Variants in PREPL observed in about 807,000 individuals in gnomAD.
PREPL encodes the protein prolyl endopeptidase like.
A neutral mutation model predicts 70.6 loss-of-function variants in PREPL; 77 were observed. The ratio of observed to expected loss-of-function variants is 1.09; its 90% CI spans 0.91 to 1.32. The LOEUF is 1.32. Ranked by LOEUF, PREPL falls within the 40% of genes most tolerant of loss-of-function variation. The probability of loss-of-function intolerance (pLI) is 0.00; values close to 1 mark genes in which losing one functional copy is unlikely to be tolerated. For synonymous variants in PREPL, 315 were observed against 264.8 expected, an observed-to-expected ratio of 1.19 and a Z score of -1.84; for missense variants, 1,002 against 778.2, an observed-to-expected ratio of 1.29 and a Z score of -3.42.
In PREPL at chr2:44,317,789, T is replaced by C. The variant is rs1024517462; in HGVS notation, c.*3567A>G. The C allele has an allele frequency of 6.4e-6, 1 of 156,218 alleles. No homozygotes were observed. Among genetic ancestry groups the C allele is most frequent in the Non-Finnish European group, 1.4e-5 (1 of 70,694 alleles). The allele number at this position is 156,218 out of a possible 1,614,324, so 9.7% of individuals were successfully genotyped here. A position where few individuals can be genotyped will look rare whatever the true frequency, so the allele number is the denominator to read the frequency against. On this transcript the variant is annotated 3_prime_UTR_variant, in exon 14 of 14. Coordinates refer to ENST00000409411, the MANE Select transcript of PREPL (RefSeq NM_001171613.2). ...AATAGAAAAAAACCCTAAACAATAGTATAACTACAAATAAAATAGGGCTTC... is the reference window on the plus strand; with the variant it reads ...AATAGAAAAAAACCCTAAACAATAGCATAACTACAAATAAAATAGGGCTTC...
chr2:44,322,472 A>G (rs1163578544), intron 12 of PREPL, among the ~76,000 whole-genome samples: 6 of 152,196 alleles, frequency 3.9e-5, no homozygotes, highest in Admixed American at 2.0e-4. Context: ...TCCAAGTTAT[A>G]TCTGATTCTT....
rs192676923 is a variant in PREPL at position 44,323,115 on chromosome 2, C to T, written c.1629+147G>A. 1,625 of 843,374 alleles carry T rather than the reference C, an allele frequency of 1.9e-3. 2 individuals are homozygous for T. Among genetic ancestry groups the T allele is most frequent in the Non-Finnish European group, 2.6e-3 (1,434 of 559,774 alleles). 52.2% of individuals were successfully genotyped at this position (843,374 alleles called of 1,614,324 possible). A position where few individuals can be genotyped will look rare whatever the true frequency, so the allele number is the denominator to read the frequency against. On this transcript the variant is annotated intron_variant, in intron 11 of 13. Transcript: ENST00000409411. ...TTCCCCTGAGGTATTAAACATGGAGCATGAGCAGAGATGGTGCTGAAGATA... is the reference window on the plus strand; with the variant it reads ...TTCCCCTGAGGTATTAAACATGGAGTATGAGCAGAGATGGTGCTGAAGATA...
At chr2:44,334,686 T>A (rs986524395) in intron 7 of PREPL, among the ~76,000 whole-genome samples, 1 of 152,236 alleles carries the variant, frequency 6.6e-6, no homozygotes, top group East Asian at 1.9e-4. Context: ...GCTCGGACTA[T>A]AGGCACCTGC....
chr2:44,328,483 G>A (rs886487378), intron 9 of PREPL, among the ~76,000 whole-genome samples: 7 of 140,696 alleles, frequency 5.0e-5, no homozygotes, highest in South Asian at 2.4e-4. Flanking sequence ...GCTAAATGCC[G>A]CTACAGAGAT....
chr2:44,353,915 C>T (rs988030217), intron 1 of PREPL, among the ~76,000 whole-genome samples: 1 of 152,104 alleles, frequency 6.6e-6, no homozygotes, highest in Non-Finnish European at 1.5e-5. Flanking sequence ...AATGCCAGCA[C>T]TCTGGGAGGC....
intron 1 of PREPL, among the ~76,000 whole-genome samples, chr2:44,353,358 C>T (rs977830127): frequency 6.6e-6 from 1 of 151,816 alleles, no homozygotes; most frequent in Non-Finnish European, 1.5e-5. Context: ...CCAAGTTGGG[C>T]AGATCACCCT....
At position 44,342,720 on chromosome 2, in the gene PREPL, G is replaced by C. The variant is rs536987357; in HGVS notation, c.350-168C>G. Among the ~76,000 whole-genome samples, 30 of 151,936 alleles carry C rather than the reference G, an allele frequency of 2.0e-4. No individual in the cohort carries two copies. In the South Asian group the frequency reaches 5.2e-3, roughly 26 times the overall value. ...TAATCTGTGCTGTATATAAGCCAGA[G>C]AGCTTTCCTGAGAATAAACCACTAC... On this transcript the variant is annotated intron_variant, in intron 4 of 13. Coordinates refer to ENST00000409411, the MANE Select transcript of PREPL (RefSeq NM_001171613.2).
Position 44,346,248 on chromosome 2 carries a change from A to T in PREPL, c.75+20T>A. The T allele has an allele frequency of 1.0e-5, 16 of 1,575,152 alleles. No individual in the cohort carries two copies. The highest frequency in any genetic ancestry group is 2.3e-5 in the South Asian group (2 of 85,654). ...TTGGTAATATCAAAAATTTTTTTTT[A>T]AAGACATGAGATATCTTACTTCCAC... On this transcript the variant is annotated intron_variant, in intron 2 of 13. Coordinates refer to ENST00000409411, the MANE Select transcript of PREPL (RefSeq NM_001171613.2).
intron 1 of PREPL, among the ~76,000 whole-genome samples, chr2:44,349,042 T>A (rs995612256): frequency 2.6e-5 from 4 of 152,212 alleles, no homozygotes; most frequent in Non-Finnish European, 5.9e-5. Context: ...ACTGGTACAG[T>A]ATCACTCCAT....
Position 44,355,644 on chromosome 2 carries a change from G to C in PREPL, c.-49+5736C>G, listed in dbSNP as rs955792687. On this transcript the variant is annotated intron_variant, in intron 1 of 13. Transcript: ENST00000409411. ...CCAATTTATTCTCTATTCTGTCAGA[G>C]TGATTCTTCTAAAATGCAAATCTGA... Among the ~76,000 whole-genome samples the C allele has an allele frequency of 2.6e-5, 4 of 152,040 alleles. No individual in the cohort carries two copies. The East Asian group carries it at 5.8e-4, about 22-fold the overall frequency.
intron 7 of PREPL, among the ~76,000 whole-genome samples, chr2:44,337,108 G>C (rs1008628718): frequency 6.6e-6 from 1 of 152,082 alleles, no homozygotes; most frequent in Non-Finnish European, 1.5e-5. Flanking sequence ...TCATCCCCCA[G>C]AAATGTATAG....
Position 44,338,579 on chromosome 2 carries a change from G to T in PREPL, c.703-43C>A, listed in dbSNP as rs771498625. 8.8e-6 allele frequency: 13 copies of T among 1,468,962 alleles called. No individual in the cohort carries two copies. In the East Asian group the frequency reaches 2.9e-4, roughly 33 times the overall value. The allele number at this position is 1,468,962 out of a possible 1,614,324, so 91.0% of individuals were successfully genotyped here. ...AGAAGACATATAGGTAAGAAAACACGAAGGCTGCAGCATCCAGAGATGCAA... is the reference window on the plus strand; with the variant it reads ...AGAAGACATATAGGTAAGAAAACACTAAGGCTGCAGCATCCAGAGATGCAA... On this transcript the variant is annotated intron_variant, in intron 6 of 13. Coordinates refer to ENST00000409411, the MANE Select transcript of PREPL (RefSeq NM_001171613.2).
chr2:44,321,540 G>A lies in PREPL; in HGVS notation c.1828-95C>T, dbSNP rs1013678479. The A allele has an allele frequency of 2.3e-5, 35 of 1,523,254 alleles. No homozygotes were observed. The African/African-American group carries it at 2.4e-4, about 10-fold the overall frequency. The allele number at this position is 1,523,254 out of a possible 1,614,324, so 94.4% of individuals were successfully genotyped here. On this transcript the variant is annotated intron_variant, in intron 13 of 13. Coordinates refer to ENST00000409411, the MANE Select transcript of PREPL (RefSeq NM_001171613.2). ...TTTATCTATCCATCTTTACCTAACC[G>A]TGAAGTCAGCAATTTATGGCAAGAA... is the stretch of plus-strand genomic sequence containing the variant.
In PREPL at chr2:44,333,455, T is replaced by C. The variant is rs183781904; in HGVS notation, c.889-799A>G. 9.8e-4 allele frequency among the ~76,000 whole-genome samples: 149 copies of C among 152,116 alleles called. 1 individual carries two copies. The highest frequency in any genetic ancestry group is 3.4e-3 in the African/African-American group (141 of 41,516). The stretch of plus-strand genomic sequence containing the variant: ...CATTAAAAGAAAATTGCCTTTCTTT[T>C]CCTGAGTAATTGTAGAAAGAGCAAA... On this transcript the variant is annotated intron_variant, in intron 7 of 13. Transcript: ENST00000409411.
intron 1 of PREPL, among the ~76,000 whole-genome samples, chr2:44,358,442 G>C (rs1234916993): frequency 6.6e-6 from 1 of 152,118 alleles, no homozygotes; most frequent in Non-Finnish European, 1.5e-5. Context: ...TGAAACTATT[G>C]CAAGAATACC....
At chr2:44,334,239 T>C (rs554148603) in intron 7 of PREPL, among the ~76,000 whole-genome samples, 6 of 152,260 alleles carry the variant, frequency 3.9e-5, no homozygotes, top group East Asian at 3.9e-4. Context: ...GGCCAGGAGA[T>C]AGGGAGACAT....
In PREPL at chr2:44,320,084, A is replaced by T. The variant is rs1037415766; in HGVS notation, c.*1272T>A. ...TGATGCTTACAATTTGGCAATTATA[A>T]GGGGCAAAATTGGAGCAAGTGTTTT... On this transcript the variant is annotated 3_prime_UTR_variant, in exon 14 of 14. Transcript: ENST00000409411. 1.5e-5 allele frequency: 13 copies of T among 862,166 alleles called. No individual in the cohort carries two copies. In the African/African-American group the frequency reaches 2.2e-4, roughly 15 times the overall value. The allele number at this position is 862,166 out of a possible 1,614,324, so 53.4% of individuals were successfully genotyped here. A position where few individuals can be genotyped will look rare whatever the true frequency, so the allele number is the denominator to read the frequency against.
chr2:44,342,418 T>G lies in PREPL; in HGVS notation c.484A>C (p.Ser162Arg). The change falls in exon 5 of 14, where the codon AGC (serine) becomes CGC (arginine). Residue 162 changes from serine (S) to arginine (R), a missense_variant and splice_region_variant. Physicochemically the swap from Ser to Arg is moderately radical, Grantham distance 110 (BLOSUM62 -1). Transcript: ENST00000409411. ...GATTTAATTATATTATTCTAGTACC[T>G]TGGGTCTTTTTCTGTGTAAAAGCGT... The part of the protein sequence containing the change: ...NERFYTEKDP[S>R]YFVFLYLTKD... 1 of 1,609,752 alleles carries G rather than the reference T, an allele frequency of 6.2e-7. No homozygotes were observed. The highest frequency in any genetic ancestry group is 1.1e-5 in the South Asian group (1 of 90,574).
chr2:44,320,831 C>G lies in PREPL; in HGVS notation c.*525G>C. On this transcript the variant is annotated 3_prime_UTR_variant, in exon 14 of 14. Coordinates refer to ENST00000409411, the MANE Select transcript of PREPL (RefSeq NM_001171613.2). ...TAAAATGTTTAAAAGTAAATTATGG[C>G]TTATAGGAGCTTATAACTTTATTCA... 3.3e-6 allele frequency: 2 copies of G among 602,000 alleles called. No individual in the cohort carries two copies. The highest frequency in any genetic ancestry group is 3.9e-5 in the South Asian group (2 of 51,056). 37.3% of individuals were successfully genotyped at this position (602,000 alleles called of 1,614,324 possible). A position where few individuals can be genotyped will look rare whatever the true frequency, so the allele number is the denominator to read the frequency against.
Sources: gnomAD v4.1 joint callset for allele counts (sites outside exome capture counted in the v4.1 genomes callset) on GRCh38, gnomAD v4.1.1 for gene constraint, MANE v1.5 for transcripts, NCBI Gene and HGNC (gene_info 2026-07-23, HGNC 2026-07-21) for gene names.